ERCC6L2: variants seen among roughly 807,000 people sequenced by gnomAD.
ERCC6L2 encodes the protein DNA excision repair protein ERCC-6-like 2.
ERCC6L2 carries 77 observed loss-of-function variants against 132.0 expected under a neutral mutation model. That is an observed-to-expected ratio of 0.58 (90% CI 0.49 to 0.71). The LOEUF (loss-of-function observed/expected upper bound fraction) is 0.71, where lower values mean the gene tolerates loss of function less well. Among genes scored for constraint, ERCC6L2 ranks in the 30% least tolerant of loss-of-function variants. ERCC6L2 has a pLI of 0.00. For missense variants in ERCC6L2, 1,542 were observed against 1,837.6 expected (o/e 0.84, Z 2.94); for synonymous variants, 583 against 632.4 (o/e 0.92, Z 1.17).
chr9:95,998,045 T>C (rs1564293968), intron 17 of ERCC6L2, among the ~76,000 whole-genome samples: 1 of 152,224 alleles, frequency 6.6e-6, no homozygotes, highest in African/African-American at 2.4e-5. Context: ...AGTATACCAA[T>C]GGTGCTGCTG....
At position 95,909,914 on chromosome 9, in the gene ERCC6L2, G is replaced by A. The variant is rs563786874; in HGVS notation, c.788+2643G>A. Among the ~76,000 whole-genome samples the A allele has an allele frequency of 3.5e-3, 533 of 152,238 alleles. 2 individuals carry two copies. Among genetic ancestry groups the A allele is most frequent in the African/African-American group, 0.012 (511 of 41,548 alleles). ...CCAGCTAGCAATGTGTGAGAGTTCA[G>A]TTGCTTCGTATTCTCAGCAACGTTT... On this transcript the variant is annotated intron_variant, in intron 4 of 18. Transcript: ENST00000653738.
intron 1 of ERCC6L2, 133 bp downstream of exon 1, chr9:95,876,217 C>G (rs1165835211): frequency 1.3e-6 from 1 of 759,050 alleles, no homozygotes; most frequent in Non-Finnish European, 2.1e-6. Flanking sequence ...GATTGTGAAC[C>G]CCTCCAGGCC....
At chr9:95,941,874 A>G (rs1026515824) in intron 12 of ERCC6L2, among the ~76,000 whole-genome samples, 3 of 152,200 alleles carry the variant, frequency 2.0e-5, no homozygotes, top group Non-Finnish European at 2.9e-5. Context: ...AGCAAGTAGA[A>G]TCTGTGATCA....
At chr9:95,935,056 T>C (rs1427849031) in intron 11 of ERCC6L2, among the ~76,000 whole-genome samples, 1 of 152,206 alleles carries the variant, frequency 6.6e-6, no homozygotes, top group East Asian at 1.9e-4. Context: ...ACTACTAATA[T>C]CTTCATGGAC....
chr9:95,879,449 T>C (rs1052577644), intron 1 of ERCC6L2, among the ~76,000 whole-genome samples: 3 of 152,184 alleles, frequency 2.0e-5, no homozygotes, highest in Non-Finnish European at 4.4e-5. Flanking sequence ...ATATAAGTAA[T>C]GTGTTAAGAA....
chr9:95,965,149 G>C (rs982239210), intron 13 of ERCC6L2, among the ~76,000 whole-genome samples: 3 of 152,062 alleles, frequency 2.0e-5, no homozygotes, highest in African/African-American at 7.2e-5. Context: ...AAGGTCCCGA[G>C]GGTTTTTTTT....
chr9:96,032,055 T>C (rs142910249), intron 19 of ERCC6L2, among the ~76,000 whole-genome samples: 1 of 152,298 alleles, frequency 6.6e-6, no homozygotes, highest in East Asian at 1.9e-4. Context: ...TCTAAGCCCA[T>C]CAGCAGAGAG....
At chr9:95,903,873 G>A (rs560437736) in intron 3 of ERCC6L2, among the ~76,000 whole-genome samples, 8 of 151,954 alleles carry the variant, frequency 5.3e-5, no homozygotes, top group East Asian at 1.9e-4. Flanking sequence ...AAAAGTTTTC[G>A]TATTTATCTC....
Position 95,941,521 on chromosome 9 carries a change from C to G in ERCC6L2, c.1819C>G (p.Pro607Ala). ...VVVLFDPTWN[P>A]ANDLQAIDRA... ...TGTATTATTTGATCCTACTTGGAATCCAGCCAATGATCTTCAAGCCATTGA... is the reference window on the plus strand; with the variant it reads ...TGTATTATTTGATCCTACTTGGAATGCAGCCAATGATCTTCAAGCCATTGA... The change falls in exon 12 of 19, where the codon CCA (proline) becomes GCA (alanine). Residue 607 changes from proline (P) to alanine (A), a missense_variant. Pro to Ala is a conservative substitution (Grantham distance 27). Around this residue, in one of 4 missense-constraint regions of ERCC6L2, gnomAD observed 945 missense variants for 1,105.2 expected, o/e 0.86. Coordinates refer to ENST00000653738, the MANE Select transcript of ERCC6L2 (RefSeq NM_020207.7). The G allele has an allele frequency of 6.2e-7, 1 of 1,612,690 alleles. No individual in the cohort carries two copies.
chr9:96,030,809 G>A (rs745608308), intron 19 of ERCC6L2, among the ~76,000 whole-genome samples: 1 of 152,004 alleles, frequency 6.6e-6, no homozygotes. Flanking sequence ...AGGACAACTG[G>A]GGCCCACAGG....
At chr9:95,899,600 ATGTGTG>A (rs56991965) in intron 3 of ERCC6L2, among the ~76,000 whole-genome samples, 7 of 134,820 alleles carry the variant, frequency 5.2e-5, no homozygotes, top group African/African-American at 8.6e-5. Flanking sequence ...TTATATATAT[ATGTGTG>A]TGTGTGTGTG....
At chr9:96,006,547 C>CAGCAGCTGG (rs1833870649) in intron 18 of ERCC6L2, among the ~76,000 whole-genome samples, 4 of 152,312 alleles carry the variant, frequency 2.6e-5, no homozygotes, top group African/African-American at 9.6e-5. Context: ...TAAAAAGTAG[C>CAGCAGCTGG]AGCAGCTGGA....
downstream of ERCC6L2, chr9:96,021,130 G>A: frequency 2.6e-6 from 1 of 387,808 alleles, no homozygotes; most frequent in Non-Finnish European, 5.1e-6. The surrounding 1 kb of genome is among the most constrained non-coding windows in gnomAD (Gnocchi z 4.7). Flanking sequence ...GGCGTCCCGG[G>A]GAACCCCGCG....
Position 96,016,051 on chromosome 9 carries a change from C to T in ERCC6L2, c.*2848C>T, listed in dbSNP as rs1281535802. On this transcript the variant is annotated 3_prime_UTR_variant, in exon 19 of 19. Coordinates refer to ENST00000653738, the MANE Select transcript of ERCC6L2 (RefSeq NM_020207.7). ...CAACCATTGATGACCTGAGAACAGA[C>T]ACTAGGAAGGTTTGACAAGATCCTT... 1.3e-5 allele frequency among the ~76,000 whole-genome samples: 2 copies of T among 152,122 alleles called. No homozygotes were observed. Among genetic ancestry groups the T allele is most frequent in the African/African-American group, 2.4e-5 (1 of 41,418 alleles).
chr9:95,882,057 T>A (rs1827626267), intron 2 of ERCC6L2, among the ~76,000 whole-genome samples: 1 of 152,200 alleles, frequency 6.6e-6, no homozygotes, highest in Admixed American at 6.5e-5. Flanking sequence ...TTGTGGGTTC[T>A]TGGCCTCAGT....
intron 16 of ERCC6L2, among the ~76,000 whole-genome samples, chr9:95,975,471 CTT>C (rs572855007): frequency 2.1e-4 from 23 of 111,220 alleles, no homozygotes; most frequent in Non-Finnish European, 3.2e-4. Context: ...ATTATATGTT[CTT>C]TTTTTTTTTT....
At chr9:95,922,918 T>C (rs904139209) in intron 8 of ERCC6L2, among the ~76,000 whole-genome samples, 5 of 152,190 alleles carry the variant, frequency 3.3e-5, no homozygotes, top group Admixed American at 6.5e-5. Flanking sequence ...TTTTCTGTTA[T>C]AGTTGATGCC....
At chr9:96,018,947 C>G (rs758393559), downstream of ERCC6L2, among the ~76,000 whole-genome samples, 2 of 152,126 alleles carry the variant, frequency 1.3e-5, no homozygotes, top group Non-Finnish European at 2.9e-5. Context: ...CTACAGATAT[C>G]TTTTTCGTTA....
At chr9:95,927,686 A>G (rs562927896) in intron 9 of ERCC6L2, among the ~76,000 whole-genome samples, 1 of 152,324 alleles carries the variant, frequency 6.6e-6, no homozygotes, top group South Asian at 2.1e-4. Context: ...CCATCTAGGG[A>G]CAATTTAAAT....
Sources: allele counts gnomAD v4.1 joint callset (sites outside exome capture counted in the v4.1 genomes callset), GRCh38; gene constraint gnomAD v4.1.1; regional missense constraint gnomAD v4.1.1; non-coding constraint Gnocchi (gnomAD v3.1); transcripts MANE v1.5; gene names NCBI Gene and HGNC (gene_info 2026-07-23, HGNC 2026-07-21).